Variants in SESN1 observed in about 807,000 individuals in gnomAD.
The protein encoded by SESN1 is sestrin 1.
A neutral mutation model predicts 59.3 loss-of-function variants in SESN1; 30 were observed. That is an observed-to-expected ratio of 0.51 (90% CI 0.38 to 0.69). SESN1 has a LOEUF of 0.69. Ranked by LOEUF, SESN1 falls within the 30% of genes least tolerant of loss-of-function variation. The pLI, the probability that SESN1 is intolerant of heterozygous loss-of-function variation, is 0.00. For synonymous variants in SESN1, 197 were observed against 219.9 expected, an observed-to-expected ratio of 0.90 and a Z score of 0.92; for missense variants, 566 against 673.0, an observed-to-expected ratio of 0.84 and a Z score of 1.76.
At chr6:109,041,184 C>CA (rs1780337398) in intron 1 of SESN1, among the ~76,000 whole-genome samples, 1 of 149,744 alleles carries the variant, frequency 6.7e-6, no homozygotes, top group Non-Finnish European at 1.5e-5. Flanking sequence ...TTGTGGCATG[C>CA]ACCTATAGTC....
chr6:109,060,345 T>A (rs1780711280), intron 1 of SESN1, among the ~76,000 whole-genome samples: 1 of 152,228 alleles, frequency 6.6e-6, no homozygotes, highest in Non-Finnish European at 1.5e-5. Flanking sequence ...ACAGATCCCA[T>A]CTTTTGCTTA....
intron 1 of SESN1, among the ~76,000 whole-genome samples, chr6:109,016,159 T>A (rs536074976): frequency 1.3e-3 from 197 of 152,334 alleles, no homozygotes; most frequent in African/African-American, 4.6e-3. Context: ...GTCATTAGCT[T>A]AATCATGACA....
chr6:109,081,675 C>A (rs1781124732), intron 1 of SESN1, among the ~76,000 whole-genome samples: 1 of 152,136 alleles, frequency 6.6e-6, no homozygotes, highest in South Asian at 2.1e-4. Context: ...GCCACCTCTG[C>A]CCCTCCCCTC....
chr6:109,060,917 C>T (rs1036123487), intron 1 of SESN1, among the ~76,000 whole-genome samples: 1 of 152,166 alleles, frequency 6.6e-6, no homozygotes, highest in Non-Finnish European at 1.5e-5. Context: ...ATCCACTGCT[C>T]TTTCTATTCT....
intron 2 of SESN1, 118 bp downstream of exon 2, chr6:109,002,160 A>G (rs1745164029): frequency 2.5e-6 from 2 of 811,166 alleles, no homozygotes; most frequent in Admixed American, 4.5e-5. Context: ...GATTAACTGC[A>G]ACCAACTCTG....
chr6:109,086,244 G>C (rs767599547), intron 1 of SESN1, among the ~76,000 whole-genome samples: 1 of 151,976 alleles, frequency 6.6e-6, no homozygotes, highest in Non-Finnish European at 1.5e-5. Context: ...CCAGCTACTC[G>C]GGAGGCTGAG....
intron 1 of SESN1, among the ~76,000 whole-genome samples, chr6:109,087,239 G>A (rs1271477424): frequency 6.6e-6 from 1 of 152,114 alleles, no homozygotes; most frequent in Non-Finnish European, 1.5e-5. Flanking sequence ...ACATAGGACA[G>A]GATGTATTTA....
rs973460006 is a variant in SESN1, at chr6:109,094,006, G to T, written c.68C>A (p.Thr23Lys). Residue 23 changes from threonine to lysine, a missense_variant, in exon 1 of 10, where the codon ACA becomes AAA. By Grantham distance (78) the Thr-to-Lys change is moderately conservative. Transcript: ENST00000436639. ...LCSRDSTTRE[T>K]ALENIRQTIL... Reference sequence around the variant, plus strand: ...GGTTTGCCTAATGTTTTCCAATGCTGTCTCCCTAGTAGTTGAATCTCTGCT... The same window carrying T: ...GGTTTGCCTAATGTTTTCCAATGCTTTCTCCCTAGTAGTTGAATCTCTGCT... 9 of 1,614,000 alleles carry T rather than the reference G, an allele frequency of 5.6e-6. No homozygotes were observed. The African/African-American group carries it at 9.3e-5, about 17-fold the overall frequency.
chr6:109,079,436 G>A (rs1043025965), intron 1 of SESN1, among the ~76,000 whole-genome samples: 3 of 152,008 alleles, frequency 2.0e-5, no homozygotes, highest in African/African-American at 7.2e-5. Flanking sequence ...CAGATTTTTA[G>A]CGCACATATC....
chr6:109,045,380 T>C (rs550563027), intron 1 of SESN1, among the ~76,000 whole-genome samples: 1 of 152,328 alleles, frequency 6.6e-6, no homozygotes, highest in East Asian at 1.9e-4. Flanking sequence ...CTTTCCAAAA[T>C]GCAGATCTGA....
chr6:108,996,315 G>A (rs1426739428), intron 5 of SESN1, among the ~76,000 whole-genome samples: 2 of 152,152 alleles, frequency 1.3e-5, no homozygotes, highest in African/African-American at 4.8e-5. Context: ...ATGATGGGAA[G>A]TGTTTCTATG....
rs549694719 is a variant in SESN1 at position 108,985,339 on chromosome 6, A to ATGAT, written c.*2201_*2204dup. On this transcript the variant is annotated 3_prime_UTR_variant, in exon 10 of 10. Coordinates refer to ENST00000436639, the MANE Select transcript of SESN1 (RefSeq NM_014454.3). ...GGGACCCTCAACCAGAAATCTTCTC[A>ATGAT]TGATTATTTTAGAAGAAAATTTTCC... is the stretch of plus-strand genomic sequence containing the variant. 1.8e-4 allele frequency among the ~76,000 whole-genome samples: 27 copies of ATGAT among 152,262 alleles called. No individual in the cohort carries two copies. In the East Asian group the frequency reaches 5.2e-3, roughly 29 times the overall value.
Position 108,986,109 on chromosome 6 carries a change from G to GCTATTTCTACTTGTCTGATGAGTGT in SESN1, c.*1410_*1434dup, listed in dbSNP as rs1487351793. Among the ~76,000 whole-genome samples, 1 of 152,128 alleles carries GCTATTTCTACTTGTCTGATGAGTGT rather than the reference G, an allele frequency of 6.6e-6. No homozygotes were observed. The highest frequency in any genetic ancestry group is 1.5e-5 in the Non-Finnish European group (1 of 68,040). Reference sequence around the variant, plus strand: ...CACAACAGCTTCAGTTAAACTTAGAGCTATTTCTACTTGTCTGATGAGTGT... The same window carrying GCTATTTCTACTTGTCTGATGAGTGT: ...CACAACAGCTTCAGTTAAACTTAGAGCTATTTCTACTTGTCTGATGAGTGTCTATTTCTACTTGTCTGATGAGTGT... On this transcript the variant is annotated 3_prime_UTR_variant, in exon 10 of 10. Transcript: ENST00000436639.
intron 1 of SESN1, among the ~76,000 whole-genome samples, chr6:109,052,769 A>G (rs1780561536): frequency 6.6e-6 from 1 of 151,990 alleles, no homozygotes; most frequent in Non-Finnish European, 1.5e-5. Flanking sequence ...TTCAACCATT[A>G]AGTATGCAGT....
intron 1 of SESN1, among the ~76,000 whole-genome samples, chr6:109,052,398 G>C (rs1359289397): frequency 6.6e-6 from 1 of 152,056 alleles, no homozygotes; most frequent in East Asian, 1.9e-4. Flanking sequence ...GATTAAAATT[G>C]ATCATAATCC....
chr6:109,049,746 T>C (rs1019657456), intron 1 of SESN1, among the ~76,000 whole-genome samples: 3 of 150,380 alleles, frequency 2.0e-5, no homozygotes, highest in African/African-American at 7.3e-5. Flanking sequence ...ATATATATTA[T>C]GTTGAAATCA....
At chr6:109,081,635 C>T (rs1360485945) in intron 1 of SESN1, among the ~76,000 whole-genome samples, 3 of 152,126 alleles carry the variant, frequency 2.0e-5, no homozygotes, top group Non-Finnish European at 4.4e-5. Flanking sequence ...AATCCCATGG[C>T]ACATTTTAAA....
intron 1 of SESN1, among the ~76,000 whole-genome samples, chr6:109,063,368 G>A (rs745557913): frequency 1.7e-4 from 26 of 152,144 alleles, no homozygotes; most frequent in Non-Finnish European, 2.6e-4. Context: ...AGGCCAGTAG[G>A]CTGCATAGAC....
chr6:109,024,468 C>A (rs1365096258), intron 1 of SESN1, among the ~76,000 whole-genome samples: 2 of 152,090 alleles, frequency 1.3e-5, no homozygotes, highest in Admixed American at 1.3e-4. Flanking sequence ...CTGACAGCAC[C>A]GCCCTCTCCC....
Sources: gnomAD v4.1 joint callset for allele counts (sites outside exome capture counted in the v4.1 genomes callset) on GRCh38, gnomAD v4.1.1 for gene constraint, MANE v1.5 for transcripts, NCBI Gene and HGNC (gene_info 2026-07-23, HGNC 2026-07-21) for gene names.